Variants in FBXL2 observed in about 807,000 individuals in gnomAD.
FBXL2 encodes F-box and leucine rich repeat protein 2, also known as F-box/LRR-repeat protein 2.
In FBXL2, 38 loss-of-function variants were observed where a neutral mutation model predicts 69.2. The observed-to-expected ratio is 0.55, with a 90% CI of 0.42 to 0.72. The LOEUF (loss-of-function observed/expected upper bound fraction) is 0.72, where lower values mean the gene tolerates loss of function less well. Ranked by LOEUF, FBXL2 falls within the 30% of genes least tolerant of loss-of-function variation. The pLI, the probability that FBXL2 is intolerant of heterozygous loss-of-function variation, is 0.00. For synonymous variants in FBXL2, 192 were observed against 201.3 expected (o/e 0.95, Z 0.39); for missense variants, 354 against 520.3 (o/e 0.68, Z 3.11).
chr3:33,400,360 G>A (rs891490902), intron 12 of FBXL2: 19 of 1,160,750 alleles, frequency 1.6e-5, no homozygotes, highest in East Asian at 5.6e-5. Context: ...AGAAAGCCTC[G>A]GAGTCTGAAG....
At chr3:33,319,140 T>C (rs2037974389) in intron 2 of FBXL2, among the ~76,000 whole-genome samples, 1 of 152,222 alleles carries the variant, frequency 6.6e-6, no homozygotes, top group Admixed American at 6.5e-5. Flanking sequence ...ATCCCTTTTG[T>C]ATCTTGTTCA....
At chr3:33,344,131 A>G (rs1411190926) in intron 2 of FBXL2, among the ~76,000 whole-genome samples, 4 of 152,030 alleles carry the variant, frequency 2.6e-5, no homozygotes, top group Admixed American at 2.6e-4. Context: ...AAAAAAAGCT[A>G]TAAAATACCC....
intron 12 of FBXL2, 87 bp from the exon 13 acceptor site, chr3:33,378,598 C>G: frequency 7.4e-7 from 1 of 1,351,772 alleles, no homozygotes; most frequent in South Asian, 1.4e-5. Context: ...TCTTTTACAC[C>G]TTTTGATTCT....
At chr3:33,330,913 A>AC (rs2039103154) in intron 2 of FBXL2, among the ~76,000 whole-genome samples, 1 of 148,070 alleles carries the variant, frequency 6.8e-6, no homozygotes, top group Non-Finnish European at 1.5e-5. Context: ...ACACACACAC[A>AC]AACACACACA....
At chr3:33,330,321 T>G (rs2039050368) in intron 2 of FBXL2, among the ~76,000 whole-genome samples, 1 of 149,682 alleles carries the variant, frequency 6.7e-6, no homozygotes. Flanking sequence ...AGATAGAGAG[T>G]AGACTGATGG....
At chr3:33,412,720 A>G in the FBXL2 span, 1 of 1,593,804 alleles carries the variant, frequency 6.3e-7, no homozygotes, top group Non-Finnish European at 8.6e-7. Flanking sequence ...CACTGCCTGT[A>G]CCTAAATCAA....
intron 2 of FBXL2, among the ~76,000 whole-genome samples, chr3:33,342,121 C>A (rs1299694958): frequency 6.7e-6 from 1 of 150,036 alleles, no homozygotes; most frequent in East Asian, 2.0e-4. Flanking sequence ...TCTCCTGCCT[C>A]AGCCTCTGGA....
the FBXL2 span, among the ~76,000 whole-genome samples, chr3:33,412,067 G>C: frequency 6.6e-6 from 1 of 151,544 alleles, no homozygotes; most frequent in African/African-American, 2.4e-5. Flanking sequence ...CGTGCCTGTA[G>C]TCCCAGCTAC....
chr3:33,324,216 G>C (rs189897805), intron 2 of FBXL2, among the ~76,000 whole-genome samples: 1 of 151,998 alleles, frequency 6.6e-6, no homozygotes, highest in Admixed American at 6.6e-5. Context: ...TTTGTCAGAT[G>C]GGTAGATTGC....
chr3:33,336,159 C>G (rs1477893067), intron 2 of FBXL2, among the ~76,000 whole-genome samples: 1 of 152,022 alleles, frequency 6.6e-6, no homozygotes, highest in Non-Finnish European at 1.5e-5. Flanking sequence ...AGAACAAGAG[C>G]AAAGTTGAGG....
chr3:33,393,539 G>T, intron 12 of FBXL2: 1 of 1,335,634 alleles, frequency 7.5e-7, no homozygotes, highest in Non-Finnish European at 1.0e-6. Context: ...CTGTACGAAG[G>T]TCACACCTTT....
the FBXL2 span, among the ~76,000 whole-genome samples, chr3:33,413,491 G>A: frequency 4.8e-5 from 7 of 145,982 alleles, no homozygotes; most frequent in African/African-American, 1.8e-4. Context: ...AGCTTGCAGT[G>A]AGCCAAGTTC....
chr3:33,335,527 G>A (rs1487279994), intron 2 of FBXL2, among the ~76,000 whole-genome samples: 3 of 152,058 alleles, frequency 2.0e-5, no homozygotes, highest in Admixed American at 6.6e-5. Context: ...GTGACAGAAC[G>A]AGACCCTGTC....
chr3:33,306,313 A>G (rs1015964255), intron 2 of FBXL2, among the ~76,000 whole-genome samples: 45 of 152,256 alleles, frequency 3.0e-4, no homozygotes, highest in African/African-American at 1.1e-3. Flanking sequence ...AAACAAATAT[A>G]TGAAACAAAT....
At chr3:33,375,526 T>C in intron 10 of FBXL2, 108 bp downstream of exon 10, 1 of 1,317,546 alleles carries the variant, frequency 7.6e-7, no homozygotes, top group Non-Finnish European at 1.1e-6. Flanking sequence ...GTGGAGGCAG[T>C]AGTTATGTTG....
chr3:33,361,721 T>C (rs2041643151), intron 4 of FBXL2, among the ~76,000 whole-genome samples: 1 of 152,170 alleles, frequency 6.6e-6, no homozygotes, highest in Admixed American at 6.5e-5. Context: ...TGTGAAAACC[T>C]AAAATAGCTG....
chr3:33,348,606 T>C (rs1409101998), intron 2 of FBXL2, among the ~76,000 whole-genome samples: 2 of 152,176 alleles, frequency 1.3e-5, no homozygotes, highest in Non-Finnish European at 2.9e-5. Context: ...TTGGGTAATA[T>C]GGACATTTTA....
chr3:33,325,456 G>A (rs1302444081), intron 2 of FBXL2, among the ~76,000 whole-genome samples: 1 of 152,066 alleles, frequency 6.6e-6, no homozygotes, highest in Non-Finnish European at 1.5e-5. Flanking sequence ...ATTATTTTGA[G>A]GTACGTTCCA....
chr3:33,300,875 A>AT (rs11312891), intron 2 of FBXL2, among the ~76,000 whole-genome samples: 98 of 146,804 alleles, frequency 6.7e-4, no homozygotes, highest in Non-Finnish European at 8.5e-4. Flanking sequence ...CGCCCAGCTA[A>AT]TTTTTTTTTT....
Sources: allele counts gnomAD v4.1 joint callset (sites outside exome capture counted in the v4.1 genomes callset), GRCh38; gene constraint gnomAD v4.1.1; transcripts MANE v1.5; gene names NCBI Gene and HGNC (gene_info 2026-07-23, HGNC 2026-07-21).